LOC122539214: variants seen among roughly 807,000 people sequenced by gnomAD.
chr19:52,681,613 G>C, the LOC122539214 span, among the ~76,000 whole-genome samples: 8 of 152,078 alleles, frequency 5.3e-5, no homozygotes, highest in African/African-American at 1.9e-4. Flanking sequence ...ACACATACTA[G>C]GAAAATTACC....
the LOC122539214 span, among the ~76,000 whole-genome samples, chr19:52,676,128 G>A: frequency 6.6e-6 from 1 of 152,168 alleles, no homozygotes; most frequent in African/African-American, 2.4e-5. Context: ...TTGCAGGCGC[G>A]CGCCGCCACG....
At chr19:52,676,821 C>A in the LOC122539214 span, among the ~76,000 whole-genome samples, 33,866 of 130,022 alleles carry the variant, frequency 0.26, 4,820 homozygotes, top group Non-Finnish European at 0.29. Flanking sequence ...TGATCTGTGA[C>A]CTTACCCCCA....
the LOC122539214 span, among the ~76,000 whole-genome samples, chr19:52,661,639 G>A: frequency 6.6e-6 from 1 of 152,168 alleles, no homozygotes; most frequent in Non-Finnish European, 1.5e-5. Flanking sequence ...TGAAGTCAGG[G>A]TTGAGCTCCA....
the LOC122539214 span, among the ~76,000 whole-genome samples, chr19:52,682,872 GTCTC>G: frequency 6.6e-6 from 1 of 151,934 alleles, no homozygotes; most frequent in African/African-American, 2.4e-5. Flanking sequence ...TTCTCTCTCT[GTCTC>G]TCTTTTTTTT....
At chr19:52,650,761 A>C in the LOC122539214 span, 2 of 152,354 alleles carry the variant, frequency 1.3e-5, no homozygotes, top group South Asian at 4.1e-4. Context: ...TAAGGCTGGG[A>C]CAAACTTGTT....
chr19:52,668,114 G>A, the LOC122539214 span, among the ~76,000 whole-genome samples: 6 of 151,336 alleles, frequency 4.0e-5, no homozygotes, highest in Non-Finnish European at 8.9e-5. Flanking sequence ...TAAAACAAGA[G>A]TCTCTCAGCA....
chr19:52,689,507 C>T, the LOC122539214 span, among the ~76,000 whole-genome samples: 2,145 of 152,248 alleles, frequency 0.014, 9 homozygotes, highest in Middle Eastern at 0.041. Context: ...CAAATCCCTC[C>T]TCCTCTCCCT....
At chr19:52,668,627 C>T in the LOC122539214 span, among the ~76,000 whole-genome samples, 5 of 152,108 alleles carry the variant, frequency 3.3e-5, no homozygotes, top group Non-Finnish European at 5.9e-5. Flanking sequence ...AAAGCAAGTT[C>T]TCAGTAGTAG....
chr19:52,656,207 CGT>C, the LOC122539214 span, among the ~76,000 whole-genome samples: 58 of 88,738 alleles, frequency 6.5e-4, no homozygotes, highest in South Asian at 1.5e-3. Context: ...AGTGAGACTC[CGT>C]CTCTCTCTCT....
the LOC122539214 span, among the ~76,000 whole-genome samples, chr19:52,659,757 C>T: frequency 6.6e-6 from 1 of 152,138 alleles, no homozygotes; most frequent in African/African-American, 2.4e-5. Context: ...GAATATCCAA[C>T]ATGGATAAAT....
At chr19:52,680,142 G>A in the LOC122539214 span, among the ~76,000 whole-genome samples, 1 of 152,124 alleles carries the variant, frequency 6.6e-6, no homozygotes, top group Admixed American at 6.6e-5. Context: ...TCACACCACT[G>A]CACTCCACCC....
chr19:52,680,295 C>A, the LOC122539214 span, among the ~76,000 whole-genome samples: 7 of 152,146 alleles, frequency 4.6e-5, no homozygotes, highest in African/African-American at 1.7e-4. Context: ...ATTTTCATCA[C>A]CCACAGACTC....
chr19:52,680,779 A>AT, the LOC122539214 span, among the ~76,000 whole-genome samples: 7 of 145,362 alleles, frequency 4.8e-5, no homozygotes, highest in Middle Eastern at 3.5e-3. Context: ...CGCCCGGCTA[A>AT]TTTTTTGTAT....
At chr19:52,684,593 T>C in the LOC122539214 span, among the ~76,000 whole-genome samples, 3 of 150,072 alleles carry the variant, frequency 2.0e-5, no homozygotes, top group Non-Finnish European at 1.5e-5. Context: ...GCTTCTGATA[T>C]GATTGATGCA....
the LOC122539214 span, chr19:52,651,946 T>C: frequency 5.6e-6 from 1 of 178,982 alleles, no homozygotes; most frequent in Non-Finnish European, 1.3e-5. Context: ...CTCTAGTCAA[T>C]GCAGAATTGA....
the LOC122539214 span, among the ~76,000 whole-genome samples, chr19:52,675,302 A>C: frequency 6.6e-6 from 1 of 152,092 alleles, no homozygotes; most frequent in Non-Finnish European, 1.5e-5. Flanking sequence ...ACTTGATCCT[A>C]GGCCTGAAGG....
At chr19:52,689,458 C>A in the LOC122539214 span, among the ~76,000 whole-genome samples, 3 of 151,722 alleles carry the variant, frequency 2.0e-5, no homozygotes, top group African/African-American at 7.3e-5. Context: ...CTCTGTTCTC[C>A]TTGCCACCAG....
chr19:52,655,865 T>A, the LOC122539214 span, among the ~76,000 whole-genome samples: 1 of 152,192 alleles, frequency 6.6e-6, no homozygotes, highest in Non-Finnish European at 1.5e-5. Flanking sequence ...TTTCCCATGA[T>A]AGATTTTGAA....
At chr19:52,687,951 C>T in the LOC122539214 span, among the ~76,000 whole-genome samples, 1 of 151,942 alleles carries the variant, frequency 6.6e-6, no homozygotes, top group Admixed American at 6.6e-5. Flanking sequence ...CTCAATAAGT[C>T]ACTGCTCTCT....
Sources: gnomAD v4.1 joint callset for allele counts (sites outside exome capture counted in the v4.1 genomes callset) on GRCh38, gnomAD v4.1.1 for gene constraint, MANE v1.5 for transcripts.